CREG2: variants seen among roughly 807,000 people sequenced by gnomAD.
CREG2 encodes cellular repressor of E1A stimulated genes 2.
A neutral mutation model predicts 26.2 loss-of-function variants in CREG2; 24 were observed. The observed-to-expected ratio is 0.92, with a 90% CI of 0.66 to 1.29. The LOEUF (loss-of-function observed/expected upper bound fraction) is 1.29. Ranked by LOEUF, CREG2 falls within the 50% of genes most tolerant of loss-of-function variation. CREG2 has a pLI of 0.00. For missense variants in CREG2, 366 were observed against 398.6 expected, an observed-to-expected ratio of 0.92 and a Z score of 0.70; for synonymous variants, 174 against 169.2, an observed-to-expected ratio of 1.03 and a Z score of -0.22.
chr2:101,368,272 C>G (rs1400147007), intron 2 of CREG2, among the ~76,000 whole-genome samples: 2 of 143,324 alleles, frequency 1.4e-5, no homozygotes, highest in African/African-American at 2.6e-5. Context: ...TGGGCAACAG[C>G]GTGAGACTCC....
chr2:101,386,865 T>G, intron 1 of CREG2, 152 bp downstream of exon 1: 6 of 755,192 alleles, frequency 7.9e-6, no homozygotes, highest in Non-Finnish European at 1.1e-5. Context: ...TCGCCTTCCA[T>G]TATGTACAGT....
At chr2:101,352,720 C>T (rs1340099964) in intron 3 of CREG2, among the ~76,000 whole-genome samples, 1 of 152,154 alleles carries the variant, frequency 6.6e-6, no homozygotes, top group South Asian at 2.1e-4. Flanking sequence ...AGGCACAAGA[C>T]TCACTTGAAC....
At position 101,387,324 on chromosome 2, in the gene CREG2, T is replaced by G; in HGVS notation, c.134A>C (p.Glu45Ala). The G allele has an allele frequency of 6.7e-7, 1 of 1,491,746 alleles. No individual in the cohort carries two copies. Among genetic ancestry groups the G allele is most frequent in the Non-Finnish European group, 9.0e-7 (1 of 1,114,036 alleles). 92.4% of individuals were successfully genotyped at this position (1,491,746 alleles called of 1,614,324 possible). A position where few individuals can be genotyped will look rare whatever the true frequency, so the allele number is the denominator to read the frequency against. ...GGCGCTGTCCAGCTCCTCGTCCACC[T>G]CGTTGGTGACGGCCCAAGACACGGA... Reference protein sequence around the residue: ...VSSVSWAVTNEVDEELDSAST... With the variant: ...VSSVSWAVTNAVDEELDSAST... Residue 45 changes from glutamate (E) to alanine (A), a missense_variant, in exon 1 of 4, where the codon GAG becomes GCG. By Grantham distance (107) the Glu-to-Ala change is moderately radical. This residue lies in a region of CREG2 where 177 missense variants were observed against 183.3 expected (regional missense o/e 0.97). Transcript: ENST00000324768. The surrounding 1 kb of genome is among the most constrained non-coding windows in gnomAD (Gnocchi z 4.7).
At position 101,383,603 on chromosome 2, in the gene CREG2, C is replaced by G; in HGVS notation, c.541G>C (p.Val181Leu). ...GGGTTCTTCATCAGATCAGCCACCA[C>G]GGGGTCCTTGGCTGTCATGTAGAAG... Reference protein sequence around the residue: ...PFFYMTAKDPVVADLMKNPMA... With the variant: ...PFFYMTAKDPLVADLMKNPMA... The change falls in exon 2 of 4, where the codon GTG (valine) becomes CTG (leucine). Residue 181 changes from valine (V) to leucine (L), a missense_variant. Physicochemically the swap from Val to Leu is conservative, Grantham distance 32 (BLOSUM62 1). This residue lies in a region of CREG2 where 174 missense variants were observed against 178.2 expected (regional missense o/e 0.98). Transcript: ENST00000324768. 6.2e-7 allele frequency: 1 copy of G among 1,614,192 alleles called. No individual in the cohort carries two copies. The highest frequency in any genetic ancestry group is 8.5e-7 in the Non-Finnish European group (1 of 1,180,038).
At chr2:101,369,067 G>A (rs1684663567) in intron 2 of CREG2, among the ~76,000 whole-genome samples, 2 of 152,220 alleles carry the variant, frequency 1.3e-5, no homozygotes, top group Non-Finnish European at 2.9e-5. Flanking sequence ...GATATGTTAA[G>A]ACTTTAGAAC....
At chr2:101,375,455 T>C (rs557110965) in intron 2 of CREG2, 1 of 152,360 alleles carries the variant, frequency 6.6e-6, no homozygotes, top group Admixed American at 6.5e-5. Context: ...ATGGCCATCT[T>C]TCATTAAGAG....
At chr2:101,373,923 G>A (rs1684750409) in intron 2 of CREG2, among the ~76,000 whole-genome samples, 1 of 152,220 alleles carries the variant, frequency 6.6e-6, no homozygotes, top group African/African-American at 2.4e-5. Flanking sequence ...CTGGAGGGCA[G>A]TGGCACGATC....
chr2:101,359,657 G>T (rs1684512532), intron 2 of CREG2, among the ~76,000 whole-genome samples: 2 of 152,112 alleles, frequency 1.3e-5, no homozygotes, highest in South Asian at 4.1e-4. Context: ...CCCTCTCCTG[G>T]CCTGCTCATG....
chr2:101,353,934 G>A (rs1020270140), intron 3 of CREG2, among the ~76,000 whole-genome samples: 1 of 152,084 alleles, frequency 6.6e-6, no homozygotes, highest in African/African-American at 2.4e-5. Context: ...ATGGACACAG[G>A]GAGGGGAACA....
chr2:101,360,753 A>G (rs1007295390), intron 2 of CREG2, among the ~76,000 whole-genome samples: 1 of 151,902 alleles, frequency 6.6e-6, no homozygotes, highest in African/African-American at 2.4e-5. Context: ...AAAAAAAAAA[A>G]GAAAGAAAAT....
At chr2:101,383,399 C>G (rs963686533) in intron 2 of CREG2, 134 bp downstream of exon 2, 1 of 807,324 alleles carries the variant, frequency 1.2e-6, no homozygotes, top group Admixed American at 2.9e-5. Context: ...TCTAATTTAT[C>G]TGATTTCAAG....
intron 3 of CREG2, among the ~76,000 whole-genome samples, chr2:101,352,807 A>T (rs1684402018): frequency 6.6e-6 from 1 of 151,970 alleles, no homozygotes; most frequent in South Asian, 2.1e-4. Context: ...GACTGTCTCC[A>T]AAAAAGGTGG....
At chr2:101,375,731 G>T in intron 2 of CREG2, 1 of 162,628 alleles carries the variant, frequency 6.1e-6, no homozygotes, top group South Asian at 1.6e-4. Context: ...ACATTCACCT[G>T]ACACCGAGCC....
At chr2:101,352,705 G>T (rs1684400566) in intron 3 of CREG2, among the ~76,000 whole-genome samples, 1 of 152,202 alleles carries the variant, frequency 6.6e-6, no homozygotes, top group African/African-American at 2.4e-5. Context: ...CTACTCGGAA[G>T]TCTGAGGCAC....
intron 2 of CREG2, chr2:101,382,608 G>A: frequency 1.0e-6 from 1 of 985,440 alleles, no homozygotes; most frequent in Non-Finnish European, 1.2e-6. Flanking sequence ...TCTCCATGTG[G>A]TCTGTCGTGG....
At chr2:101,371,954 A>T (rs1684714131) in intron 2 of CREG2, among the ~76,000 whole-genome samples, 1 of 152,210 alleles carries the variant, frequency 6.6e-6, no homozygotes. Flanking sequence ...TCTTAAGATG[A>T]GAAGAAAGAG....
chr2:101,378,802 T>C (rs1021178987), intron 2 of CREG2, among the ~76,000 whole-genome samples: 1 of 150,364 alleles, frequency 6.7e-6, no homozygotes, highest in African/African-American at 2.4e-5. Flanking sequence ...AGGTCAGGAG[T>C]TCAAGACCAG....
chr2:101,387,128 G>A lies in CREG2; in HGVS notation c.330C>T (p.Gly110=). The stretch of plus-strand genomic sequence containing the variant: ...CCGGGGGCGCACTGGCCGTCTGGCC[G>A]CCCTCGCGCCGGTAGGAGAACATCC... ...PPGMFSYRRE[G]GQTASAPPGP... is the part of the protein sequence containing the mutation. The change falls in exon 1 of 4, where the codon GGC becomes GGT. Residue 110 remains glycine, a synonymous_variant. Transcript: ENST00000324768. This position sits in a 1 kb window ranked among gnomAD's most constrained non-coding sequence, Gnocchi z 4.7. The A allele has an allele frequency of 2.4e-6, 3 of 1,244,912 alleles. No homozygotes were observed. The highest frequency in any genetic ancestry group is 3.0e-6 in the Non-Finnish European group (3 of 995,422). The allele number at this position is 1,244,912 out of a possible 1,614,324, so 77.1% of individuals were successfully genotyped here. A position where few individuals can be genotyped will look rare whatever the true frequency, so the allele number is the denominator to read the frequency against.
rs373036193 is a variant in CREG2, at chr2:101,377,507, G to A, written c.611+6026C>T. ...TGCAGGGAAAGAGACATTTTTGGGTGGCCTTTCTTTGTCAATCAATATTGA... is the reference window on the plus strand; with the variant it reads ...TGCAGGGAAAGAGACATTTTTGGGTAGCCTTTCTTTGTCAATCAATATTGA... On this transcript the variant is annotated intron_variant, in intron 2 of 3. Coordinates refer to ENST00000324768, the MANE Select transcript of CREG2 (RefSeq NM_153836.4). Among the ~76,000 whole-genome samples, 15 of 152,148 alleles carry A rather than the reference G, an allele frequency of 9.9e-5. No homozygotes were observed. The East Asian group carries it at 1.7e-3, about 18-fold the overall frequency.
Sources: gnomAD v4.1 joint callset for allele counts (sites outside exome capture counted in the v4.1 genomes callset) on GRCh38, gnomAD v4.1.1 for gene constraint, gnomAD v4.1.1 regional missense constraint, Gnocchi (gnomAD v3.1) non-coding constraint, MANE v1.5 for transcripts, NCBI Gene and HGNC (gene_info 2026-07-23, HGNC 2026-07-21) for gene names.